Variants in NDUFS6 observed in about 807,000 individuals in gnomAD.
The protein encoded by NDUFS6 is NADH dehydrogenase [ubiquinone] iron-sulfur protein 6, mitochondrial.
NDUFS6 carries 14 observed loss-of-function variants against 13.2 expected under a neutral mutation model. The observed-to-expected ratio is 1.06, with a 90% CI of 0.70 to 1.66. The LOEUF (loss-of-function observed/expected upper bound fraction) is 1.66, where lower values mean the gene tolerates loss of function less well. NDUFS6 is among the 40% of genes most tolerant of loss of function. The pLI is 0.00. For missense variants in NDUFS6, 206 were observed against 170.8 expected (o/e 1.21, Z -1.15); for synonymous variants, 95 against 72.3 (o/e 1.31, Z -1.60).
chr5:1,813,448 CT>C (rs1325940706), intron 2 of NDUFS6, among the ~76,000 whole-genome samples: 2 of 152,184 alleles, frequency 1.3e-5, no homozygotes, highest in Non-Finnish European at 2.9e-5. Context: ...CTGTTCAGTG[CT>C]TTCTCCTTTG....
chr5:1,806,792 C>T (rs1045656589), intron 2 of NDUFS6, among the ~76,000 whole-genome samples: 1 of 152,174 alleles, frequency 6.6e-6, no homozygotes, highest in East Asian at 1.9e-4. Flanking sequence ...TCCAATCCAG[C>T]GGTTCCACTT....
intron 2 of NDUFS6, among the ~76,000 whole-genome samples, chr5:1,805,874 C>T (rs1734114559): frequency 6.6e-6 from 1 of 152,168 alleles, no homozygotes; most frequent in African/African-American, 2.4e-5. Context: ...CCTGCCTGGC[C>T]GCATCCGGAT....
At chr5:1,803,610 C>T (rs2111348197) in intron 2 of NDUFS6, among the ~76,000 whole-genome samples, 1 of 152,386 alleles carries the variant, frequency 6.6e-6, no homozygotes, top group South Asian at 2.1e-4. Flanking sequence ...TGATATCACA[C>T]TGTCAGTTGT....
intron 2 of NDUFS6, among the ~76,000 whole-genome samples, chr5:1,805,756 T>TG (rs1457993918): frequency 3.3e-5 from 5 of 152,204 alleles, no homozygotes; most frequent in Non-Finnish European, 5.9e-5. Flanking sequence ...AAGGGATGAC[T>TG]GGGGGAGGTC....
rs771982812 is a variant in NDUFS6, at chr5:1,814,115, G to T, written c.187-224G>T. 1.3e-5 allele frequency among the ~76,000 whole-genome samples: 2 copies of T among 152,244 alleles called. No homozygotes were observed. Among genetic ancestry groups the T allele is most frequent in the Non-Finnish European group, 2.9e-5 (2 of 68,042 alleles). ...GGACAGAAGGGAAAGGCTCTGTGCT[G>T]CTGGGATTCTTGCAGTGCCTCTCCG... On this transcript the variant is annotated intron_variant, in intron 2 of 3. Coordinates refer to ENST00000274137, the MANE Select transcript of NDUFS6 (RefSeq NM_004553.6). This position sits in a 1 kb window ranked among gnomAD's most constrained non-coding sequence, Gnocchi z 4.9.
chr5:1,813,758 CA>C, intron 2 of NDUFS6, among the ~76,000 whole-genome samples: 1 of 152,306 alleles, frequency 6.6e-6, no homozygotes, highest in Non-Finnish European at 1.5e-5. Context: ...TAGCAGCAAA[CA>C]AGAGAAAACA....
chr5:1,805,705 A>T (rs534691996), intron 2 of NDUFS6, among the ~76,000 whole-genome samples: 1 of 152,372 alleles, frequency 6.6e-6, no homozygotes, highest in South Asian at 2.1e-4. Flanking sequence ...TTATAGTCGT[A>T]CAAGTAAAAT....
intron 2 of NDUFS6, among the ~76,000 whole-genome samples, chr5:1,807,278 G>C (rs1428796321): frequency 6.6e-6 from 1 of 152,002 alleles, no homozygotes; most frequent in Non-Finnish European, 1.5e-5. Flanking sequence ...TGGTTGCCGG[G>C]GGCGGGGGGT....
intron 2 of NDUFS6, among the ~76,000 whole-genome samples, chr5:1,809,319 T>A (rs1349368963): frequency 1.3e-5 from 2 of 152,166 alleles, no homozygotes; most frequent in African/African-American, 4.8e-5. Flanking sequence ...CGCTCTTCAG[T>A]TTTTCTCACC....
rs570319906 is a variant in NDUFS6 at position 1,815,920 on chromosome 5, G to A, written c.*4G>A. On this transcript the variant is annotated 3_prime_UTR_variant, in exon 4 of 4. Coordinates refer to ENST00000274137, the MANE Select transcript of NDUFS6 (RefSeq NM_004553.6). ...GTTCAGACAGCACCACCACTAGAGCGTGTGGCACGCCGGGGGTCCCGCAGC... is the reference window on the plus strand; with the variant it reads ...GTTCAGACAGCACCACCACTAGAGCATGTGGCACGCCGGGGGTCCCGCAGC... The A allele has an allele frequency of 2.4e-5, 38 of 1,614,124 alleles. No individual in the cohort carries two copies. The East Asian group carries it at 3.8e-4, about 16-fold the overall frequency.
chr5:1,806,563 T>C (rs908944610), intron 2 of NDUFS6, among the ~76,000 whole-genome samples: 2 of 152,206 alleles, frequency 1.3e-5, no homozygotes, highest in Admixed American at 6.5e-5. Context: ...ATGTGAAGTT[T>C]TATCCTTCTG....
In NDUFS6 at chr5:1,814,770, C is replaced by T; in HGVS notation, c.309+309C>T. On this transcript the variant is annotated intron_variant, in intron 3 of 3. Coordinates refer to ENST00000274137, the MANE Select transcript of NDUFS6 (RefSeq NM_004553.6). This position sits in a 1 kb window ranked among gnomAD's most constrained non-coding sequence, Gnocchi z 4.9. ...TCATCTCAGCTCAGGCTGCCACACA[C>T]AGCACCGCAGGCTGGGGTCGAAAAC... 1 of 684,284 alleles carries T rather than the reference C, an allele frequency of 1.5e-6. No homozygotes were observed. The highest frequency in any genetic ancestry group is 2.7e-6 in the Non-Finnish European group (1 of 376,328). 42.4% of individuals were successfully genotyped at this position (684,284 alleles called of 1,614,324 possible). A position where few individuals can be genotyped will look rare whatever the true frequency, so the allele number is the denominator to read the frequency against.
chr5:1,805,956 T>C (rs1242887562), intron 2 of NDUFS6, among the ~76,000 whole-genome samples: 1 of 152,204 alleles, frequency 6.6e-6, no homozygotes, highest in Non-Finnish European at 1.5e-5. Context: ...TCGTGGGCAC[T>C]GAGTCCGTGT....
rs1048092 is a variant in NDUFS6 at position 1,815,906 on chromosome 5, A to G, written c.365A>G (p.His122Arg). The change falls in exon 4 of 4, where the codon CAC becomes CGC. Residue 122 changes from histidine (H) to arginine (R), a missense_variant. By Grantham distance (29) the His-to-Arg change is conservative. Transcript: ENST00000274137. The part of the protein sequence containing the change: ...CGYCGLQFRQ[H>R]HH The stretch of plus-strand genomic sequence containing the variant: ...TACTGTGGGCTCCAGTTCAGACAGC[A>G]CCACCACTAGAGCGTGTGGCACGCC... The G allele has an allele frequency of 6.2e-7, 1 of 1,614,244 alleles. No homozygotes were observed. The highest frequency in any genetic ancestry group is 1.7e-5 in the Admixed American group (1 of 60,026).
At chr5:1,813,799 C>T (rs182981094) in intron 2 of NDUFS6, among the ~76,000 whole-genome samples, 2 of 152,306 alleles carry the variant, frequency 1.3e-5, no homozygotes, top group Admixed American at 6.5e-5. Context: ...GCATTCAGGA[C>T]CTCTGTGGCC....
At chr5:1,812,863 A>T (rs977142984) in intron 2 of NDUFS6, among the ~76,000 whole-genome samples, 1 of 151,604 alleles carries the variant, frequency 6.6e-6, no homozygotes, top group African/African-American at 2.4e-5. Context: ...GACCAGCCTG[A>T]CCAACATGGT....
intron 2 of NDUFS6, among the ~76,000 whole-genome samples, chr5:1,806,514 G>A (rs771309800): frequency 6.6e-6 from 1 of 152,210 alleles, no homozygotes; most frequent in South Asian, 2.1e-4. Flanking sequence ...AGTTGCACGC[G>A]GTGCAAATGT....
At position 1,814,242 on chromosome 5, in the gene NDUFS6, C is replaced by G; in HGVS notation, c.187-97C>G. 3 of 1,518,212 alleles carry G rather than the reference C, an allele frequency of 2.0e-6. No individual in the cohort carries two copies. The highest frequency in any genetic ancestry group is 2.2e-5 in the South Asian group (2 of 88,950). The allele number at this position is 1,518,212 out of a possible 1,614,324, so 94.0% of individuals were successfully genotyped here. ...TTAAATGAAGCATGCACCATAGATT[C>G]GTGCTGATGGTACATGAATTTGTGT... is the stretch of plus-strand genomic sequence containing the variant. On this transcript the variant is annotated intron_variant, in intron 2 of 3. Coordinates refer to ENST00000274137, the MANE Select transcript of NDUFS6 (RefSeq NM_004553.6). This position sits in a 1 kb window ranked among gnomAD's most constrained non-coding sequence, Gnocchi z 4.9.
rs561747617 is a variant in NDUFS6 at position 1,806,008 on chromosome 5, C to G, written c.186+3634C>G. On this transcript the variant is annotated intron_variant, in intron 2 of 3. Coordinates refer to ENST00000274137, the MANE Select transcript of NDUFS6 (RefSeq NM_004553.6). ...GGAGCAGCGCCTGTCCCAGGGAAGC[C>G]TCTAGTGTGTGTTCGCCTTACTCTG... 2.6e-5 allele frequency among the ~76,000 whole-genome samples: 4 copies of G among 152,354 alleles called. No homozygotes were observed. The South Asian group carries it at 8.3e-4, about 32-fold the overall frequency.
Sources: allele counts gnomAD v4.1 joint callset (sites outside exome capture counted in the v4.1 genomes callset), GRCh38; gene constraint gnomAD v4.1.1; non-coding constraint Gnocchi (gnomAD v3.1); transcripts MANE v1.5; gene names NCBI Gene and HGNC (gene_info 2026-07-23, HGNC 2026-07-21).